The following CACNA1E variants were observed in gnomAD, a reference collection of about 807,000 sequenced individuals.
CACNA1E encodes calcium voltage-gated channel subunit alpha1 E.
In CACNA1E, 40 loss-of-function variants were observed where a neutral mutation model predicts 259.2. The ratio of observed to expected loss-of-function variants is 0.15; its 90% CI spans 0.12 to 0.20. The LOEUF (loss-of-function observed/expected upper bound fraction) is 0.20. CACNA1E is among the 10% of genes least tolerant of loss of function. CACNA1E has a pLI of 1.00. For synonymous variants in CACNA1E, 1,104 were observed against 1,138.5 expected (o/e 0.97, Z 0.61); for missense variants, 1,874 against 3,040.1 (o/e 0.62, Z 9.02).
Position 181,431,884 on chromosome 1 carries a change from A to AACAAATTG in CACNA1E, c.434+18305_434+18312dup, listed in dbSNP as rs1659740895. 4.6e-5 allele frequency among the ~76,000 whole-genome samples: 7 copies of AACAAATTG among 152,326 alleles called. No homozygotes were observed. The South Asian group carries it at 1.4e-3, about 32-fold the overall frequency. ...ACTTTTGGAGTAGAGTGACCTGAAG[A>AACAAATTG]ACAAATTGCAGTTTTATTTTTCTCA... On this transcript the variant is annotated intron_variant, in intron 2 of 11. Coordinates refer to the CACNA1E transcript ENST00000524607.
chr1:181,542,569 A>G (rs892163613), intron 3 of CACNA1E, among the ~76,000 whole-genome samples: 2 of 152,018 alleles, frequency 1.3e-5, no homozygotes, highest in Admixed American at 6.5e-5. Context: ...TGATGGTTTT[A>G]TAAGGGGCTC....
intron 7 of CACNA1E, among the ~76,000 whole-genome samples, chr1:181,681,189 G>A (rs762287307): frequency 1.5e-4 from 23 of 152,306 alleles, no homozygotes; most frequent in African/African-American, 2.6e-4. Flanking sequence ...TGTTCTGAGC[G>A]TGATTGCCTA....
At chr1:181,668,193 T>G (rs1205264694) in intron 7 of CACNA1E, among the ~76,000 whole-genome samples, 1 of 152,216 alleles carries the variant, frequency 6.6e-6, no homozygotes, top group Non-Finnish European at 1.5e-5. Flanking sequence ...GCCAACACAT[T>G]CTTCTAATTT....
intron 32 of CACNA1E, among the ~76,000 whole-genome samples, chr1:181,760,784 C>T (rs1279666207): frequency 1.3e-5 from 2 of 152,154 alleles, no homozygotes; most frequent in Non-Finnish European, 2.9e-5. Flanking sequence ...CTTCAAAGCT[C>T]ACAATAATCT....
At chr1:181,344,454 T>C (rs927815579) in intron 1 of CACNA1E, among the ~76,000 whole-genome samples, 1 of 152,188 alleles carries the variant, frequency 6.6e-6, no homozygotes, top group Non-Finnish European at 1.5e-5. Context: ...TAAAGTCTCC[T>C]GAGATGGCAG....
chr1:181,521,224 A>G (rs1316945996), intron 3 of CACNA1E, among the ~76,000 whole-genome samples: 1 of 152,122 alleles, frequency 6.6e-6, no homozygotes, highest in African/African-American at 2.4e-5. Flanking sequence ...TGCATTGGAA[A>G]CAATTTACAT....
chr1:181,768,458 T>A (rs1437964830), intron 35 of CACNA1E, among the ~76,000 whole-genome samples: 1 of 152,236 alleles, frequency 6.6e-6, no homozygotes, highest in Non-Finnish European at 1.5e-5. Context: ...ACTTATAACA[T>A]GCTCAAGTTC....
At chr1:181,400,642 T>A (rs1300664364) in intron 1 of CACNA1E, among the ~76,000 whole-genome samples, 1 of 152,138 alleles carries the variant, frequency 6.6e-6, no homozygotes, top group African/African-American at 2.4e-5. Flanking sequence ...CAAGGTCGTG[T>A]GCTGAAGACA....
At chr1:181,380,697 A>G (rs1168888098) in intron 1 of CACNA1E, among the ~76,000 whole-genome samples, 1 of 152,240 alleles carries the variant, frequency 6.6e-6, no homozygotes, top group Non-Finnish European at 1.5e-5. Flanking sequence ...TACTGATGGT[A>G]TGAAGTGTTA....
chr1:181,666,697 A>C (rs1228196555), intron 7 of CACNA1E, among the ~76,000 whole-genome samples: 1 of 151,748 alleles, frequency 6.6e-6, no homozygotes, highest in Non-Finnish European at 1.5e-5. Flanking sequence ...ATATAGGAAT[A>C]CAGGAACCAA....
At chr1:181,385,649 G>T (rs1033931446) in intron 1 of CACNA1E, among the ~76,000 whole-genome samples, 1 of 152,094 alleles carries the variant, frequency 6.6e-6, no homozygotes, top group African/African-American at 2.4e-5. Context: ...GTTTCCTAAG[G>T]CAGGGACTTT....
At chr1:181,648,965 C>G (rs17742601) in intron 6 of CACNA1E, among the ~76,000 whole-genome samples, 13,506 of 152,218 alleles carry the variant, frequency 0.089, 733 homozygotes, top group Middle Eastern at 0.15. Flanking sequence ...ACTGGTGAAC[C>G]ATCAGAGCTA....
intron 6 of CACNA1E, among the ~76,000 whole-genome samples, chr1:181,620,939 C>T (rs3856095): frequency 0.23 from 35,527 of 151,718 alleles, 4,840 homozygotes; most frequent in South Asian, 0.36. Context: ...ATAAATGTCA[C>T]AATCCATGTG....
chr1:181,343,328 G>T (rs1652320208), intron 1 of CACNA1E, among the ~76,000 whole-genome samples: 1 of 152,074 alleles, frequency 6.6e-6, no homozygotes, highest in South Asian at 2.1e-4. Flanking sequence ...GAGATGTTTG[G>T]GTCATAAGGA....
At chr1:181,328,403 T>A (rs1467194843) in intron 1 of CACNA1E, among the ~76,000 whole-genome samples, 1 of 152,146 alleles carries the variant, frequency 6.6e-6, no homozygotes, top group Non-Finnish European at 1.5e-5. Flanking sequence ...TTGGGGAGGA[T>A]ACAAACATTC....
At chr1:181,601,108 A>G (rs974028274) in intron 6 of CACNA1E, among the ~76,000 whole-genome samples, 7 of 152,080 alleles carry the variant, frequency 4.6e-5, no homozygotes, top group East Asian at 1.9e-4. Context: ...TGAAAATAGG[A>G]ATTCCCACTA....
At chr1:181,435,417 A>T (rs1218212774) in intron 2 of CACNA1E, among the ~76,000 whole-genome samples, 2 of 152,228 alleles carry the variant, frequency 1.3e-5, no homozygotes, top group Non-Finnish European at 2.9e-5. Flanking sequence ...GCAGCAAGGT[A>T]CCATTTCCTT....
At chr1:181,372,842 A>G (rs867376631) in intron 1 of CACNA1E, among the ~76,000 whole-genome samples, 53 of 147,574 alleles carry the variant, frequency 3.6e-4, no homozygotes, top group Non-Finnish European at 5.1e-4. Flanking sequence ...TTTTTTTAAC[A>G]TGAAGGGATA....
chr1:181,350,218 C>T (rs1335266071), intron 1 of CACNA1E, among the ~76,000 whole-genome samples: 1 of 152,230 alleles, frequency 6.6e-6, no homozygotes, highest in South Asian at 2.1e-4. Context: ...GGGAAACTCA[C>T]GCAAGTGATA....
Sources: allele counts gnomAD v4.1 joint callset (sites outside exome capture counted in the v4.1 genomes callset), GRCh38; gene constraint gnomAD v4.1.1; transcripts MANE v1.5; gene names NCBI Gene and HGNC (gene_info 2026-07-23, HGNC 2026-07-21).